The following RBM44 variants were observed in gnomAD, a reference collection of about 807,000 sequenced individuals.
The protein encoded by RBM44 is RNA binding motif protein 44, also known as RNA-binding protein 44.
Under a neutral mutation model 105.1 loss-of-function variants are expected in RBM44, and 66 were observed. That is an observed-to-expected ratio of 0.63 (90% confidence interval 0.52 to 0.77). RBM44 has a LOEUF of 0.77. Ranked by LOEUF, RBM44 falls within the 30% of genes least tolerant of loss-of-function variation. RBM44 has a pLI of 0.00. For synonymous variants in RBM44, 365 were observed against 417.6 expected (o/e 0.87, Z 1.54); for missense variants, 1,122 against 1,207.8 (o/e 0.93, Z 1.05).
At chr2:237,828,499 T>C (rs2061871250) in intron 12 of RBM44, among the ~76,000 whole-genome samples, 1 of 152,182 alleles carries the variant, frequency 6.6e-6, no homozygotes, top group Non-Finnish European at 1.5e-5. Flanking sequence ...TGTTTTTTTC[T>C]TACTTGAAGT....
chr2:237,829,524 C>G lies in RBM44; in HGVS notation c.2886+22C>G. 1.9e-6 allele frequency: 3 copies of G among 1,585,996 alleles called. No homozygotes were observed. In the South Asian group the frequency reaches 3.5e-5, roughly 18 times the overall value. Reference sequence around the variant, plus strand: ...CCAGGTTAGTGTTTTTGATAGATCCCTTAAATGGTCTTTGTACGTCATATT... The same window carrying G: ...CCAGGTTAGTGTTTTTGATAGATCCGTTAAATGGTCTTTGTACGTCATATT... On this transcript the variant is annotated intron_variant, in intron 13 of 15. Transcript: ENST00000316997.
intron 1 of RBM44, among the ~76,000 whole-genome samples, chr2:237,800,384 A>T (rs1202101194): frequency 1.3e-5 from 2 of 152,180 alleles, no homozygotes; most frequent in East Asian, 3.8e-4. Flanking sequence ...CGCATACATG[A>T]TCTGCAAGTA....
chr2:237,812,201 A>G (rs1165913417), intron 1 of RBM44, among the ~76,000 whole-genome samples: 1 of 152,174 alleles, frequency 6.6e-6, no homozygotes, highest in Admixed American at 6.5e-5. Context: ...ATAGCTCTCC[A>G]TTTTAGTTAC....
At chr2:237,834,628 A>C (rs1192821681) in intron 15 of RBM44, 1 of 232,520 alleles carries the variant, frequency 4.3e-6, no homozygotes, top group East Asian at 1.2e-4. Context: ...CTTAAACAAC[A>C]CTCATAAACT....
At chr2:237,827,644 G>T in intron 12 of RBM44, 141 bp downstream of exon 12, 1 of 611,800 alleles carries the variant, frequency 1.6e-6, no homozygotes. Flanking sequence ...GGGGACATAG[G>T]GACAAATAGC....
At chr2:237,833,407 A>G (rs1473353068) in intron 13 of RBM44, among the ~76,000 whole-genome samples, 1 of 152,224 alleles carries the variant, frequency 6.6e-6, no homozygotes, top group African/African-American at 2.4e-5. Context: ...CTAATTGGTC[A>G]TTTTAATTTT....
Position 237,803,361 on chromosome 2 carries a change from TCACA to T in RBM44, c.-19+4513_-19+4516del, listed in dbSNP as rs150780739. Reference sequence around the variant, plus strand: ...CACACACACATACTTTCTCTCTCACTCACACACACACACACAAATTTTAAGCCAT... The same window carrying T: ...CACACACACATACTTTCTCTCTCACTCACACACACACAAATTTTAAGCCAT... On this transcript the variant is annotated intron_variant, in intron 1 of 15. Coordinates refer to ENST00000316997, the MANE Select transcript of RBM44 (RefSeq NM_001080504.3). The surrounding 1 kb of genome is among the most constrained non-coding windows in gnomAD (Gnocchi z 4.2). 3.7e-3 allele frequency among the ~76,000 whole-genome samples: 540 copies of T among 146,336 alleles called. 1 individual carries two copies. Among genetic ancestry groups the T allele is most frequent in the South Asian group, 0.03 (139 of 4,638 alleles).
At position 237,834,281 on chromosome 2, in the gene RBM44, C is replaced by T; in HGVS notation, c.3036C>T (p.Asp1012=). The change falls in exon 15 of 16, where the codon GAC becomes GAT. Residue 1012 remains aspartate, a synonymous_variant. Coordinates refer to ENST00000316997, the MANE Select transcript of RBM44 (RefSeq NM_001080504.3). ...LAELHPEVSR[D]HIINALQEVR... is the part of the protein sequence containing the mutation. ...TGTATGTTTTCCTTTTTCATAGAGA[C>T]CATATTATAAATGCACTTCAGGAAG... 1 of 1,571,866 alleles carries T rather than the reference C, an allele frequency of 6.4e-7. No individual in the cohort carries two copies. Among genetic ancestry groups the T allele is most frequent in the South Asian group, 1.2e-5 (1 of 82,798 alleles).
chr2:237,813,639 A>G lies in RBM44; in HGVS notation c.30A>G (p.Ala10=), dbSNP rs2061681927. 6.2e-7 allele frequency: 1 copy of G among 1,611,812 alleles called. No individual in the cohort carries two copies. Among genetic ancestry groups the G allele is most frequent in the Non-Finnish European group, 8.5e-7 (1 of 1,178,042 alleles). The change falls in exon 2 of 16, where the codon GCA becomes GCG. Residue 10 remains alanine, a synonymous_variant. Coordinates refer to ENST00000316997, the MANE Select transcript of RBM44 (RefSeq NM_001080504.3). MQATAVVET[A]SGKGYHSNGG... is the part of the protein sequence containing the mutation. ...AGGCCACTGCAGTGGTGGAGACAGC[A>G]TCTGGTAAAGGCTACCACAGTAATG...
intron 2 of RBM44, 65 bp downstream of exon 2, chr2:237,813,747 C>A: frequency 1.9e-6 from 2 of 1,069,510 alleles, no homozygotes; most frequent in Non-Finnish European, 2.9e-6. Flanking sequence ...TTGTGCCAGA[C>A]AGTTTGCCCT....
chr2:237,832,943 A>C (rs1199569446), intron 13 of RBM44, among the ~76,000 whole-genome samples: 1 of 152,234 alleles, frequency 6.6e-6, no homozygotes, highest in Non-Finnish European at 1.5e-5. Context: ...AATAAGCTTA[A>C]TACAGAAAAA....
intron 1 of RBM44, among the ~76,000 whole-genome samples, chr2:237,807,517 C>G (rs564100915): frequency 1.3e-5 from 2 of 152,332 alleles, no homozygotes; most frequent in South Asian, 4.1e-4. Flanking sequence ...GTTACCAGGT[C>G]ACAACTTGCA....
chr2:237,805,582 A>T (rs2061591346), intron 1 of RBM44, among the ~76,000 whole-genome samples: 1 of 152,226 alleles, frequency 6.6e-6, no homozygotes, highest in Non-Finnish European at 1.5e-5. Context: ...ATAACTGTCT[A>T]GTCATTAGTC....
intron 1 of RBM44, among the ~76,000 whole-genome samples, chr2:237,800,718 C>CT (rs1159264539): frequency 4.0e-5 from 6 of 150,544 alleles, no homozygotes; most frequent in Non-Finnish European, 8.9e-5. Flanking sequence ...CTCCTTGGGA[C>CT]TCTCAATCCT....
At chr2:237,835,302 A>G (rs1176396559) in intron 15 of RBM44, among the ~76,000 whole-genome samples, 2 of 152,174 alleles carry the variant, frequency 1.3e-5, no homozygotes, top group Non-Finnish European at 2.9e-5. Flanking sequence ...TGATAATCCT[A>G]CAATGGCCTG....
In RBM44 at chr2:237,820,225, G is replaced by C; in HGVS notation, c.1787G>C (p.Cys596Ser). 1 of 1,583,788 alleles carries C rather than the reference G, an allele frequency of 6.3e-7. No individual in the cohort carries two copies. Among genetic ancestry groups the C allele is most frequent in the South Asian group, 1.2e-5 (1 of 86,362 alleles). The change falls in exon 5 of 16, where the codon TGT becomes TCT. Residue 596 changes from cysteine (C) to serine (S), a missense_variant. Physicochemically the swap from Cys to Ser is moderately radical, Grantham distance 112. Around this residue, in one of 3 missense-constraint regions of RBM44, gnomAD observed 918 missense variants for 955.3 expected, o/e 0.96. Transcript: ENST00000316997. ...GAGAAGGATTTGCCATCAATGTGCT[G>C]TCAGAAGATAATGCAGAGAGCCATA... ...DTEKDLPSMC[C>S]QKIMQRAIKA... is the part of the protein sequence containing the mutation.
At chr2:237,830,394 G>A (rs973654874) in intron 13 of RBM44, among the ~76,000 whole-genome samples, 3 of 151,756 alleles carry the variant, frequency 2.0e-5, no homozygotes, top group Non-Finnish European at 4.4e-5. Flanking sequence ...TTCTCACTTC[G>A]TGCCTTGTCT....
intron 1 of RBM44, among the ~76,000 whole-genome samples, chr2:237,808,152 A>G (rs2061618266): frequency 1.3e-5 from 2 of 152,124 alleles, no homozygotes; most frequent in Admixed American, 6.5e-5. Flanking sequence ...CAAATCATAC[A>G]TTAAAAATGG....
rs1559909532 is a variant in RBM44, at chr2:237,813,605, G to A, written c.-5G>A. ...TACCTTTTCTAGATTATATATCTTT[G>A]AATGATGCAGGCCACTGCAGTGGTG... On this transcript the variant is annotated 5_prime_UTR_variant, in exon 2 of 16. Transcript: ENST00000316997. 1 of 1,588,460 alleles carries A rather than the reference G, an allele frequency of 6.3e-7. No individual in the cohort carries two copies. Among genetic ancestry groups the A allele is most frequent in the East Asian group, 2.2e-5 (1 of 44,702 alleles).
Sources: gnomAD v4.1 joint callset for allele counts (sites outside exome capture counted in the v4.1 genomes callset) on GRCh38, gnomAD v4.1.1 for gene constraint, gnomAD v4.1.1 regional missense constraint, Gnocchi (gnomAD v3.1) non-coding constraint, MANE v1.5 for transcripts, NCBI Gene and HGNC (gene_info 2026-07-23, HGNC 2026-07-21) for gene names.